Variants in CDH23 observed in about 807,000 individuals in gnomAD.
CDH23 encodes the protein cadherin-23.
A neutral mutation model predicts 317.1 loss-of-function variants in CDH23; 189 were observed. The ratio of observed to expected loss-of-function variants is 0.60; its 90% CI spans 0.53 to 0.67. The LOEUF is 0.67. Ranked by LOEUF, CDH23 falls within the 30% of genes least tolerant of loss-of-function variation. The pLI, the probability that CDH23 is intolerant of heterozygous loss-of-function variation, is 0.00. For synonymous variants in CDH23, 1,839 were observed against 1,876.8 expected (o/e 0.98, Z 0.52); for missense variants, 4,401 against 4,592.4 (o/e 0.96, Z 1.20).
intron 62 of CDH23, 35 bp downstream of exon 62, chr10:71,810,604 T>G (rs1300234236): frequency 1.3e-6 from 2 of 1,594,352 alleles, no homozygotes; most frequent in African/African-American, 2.7e-5. Context: ...TGTCAGCCTG[T>G]CTGTCTGCCT....
chr10:71,712,255 A>T (rs1866000057), intron 27 of CDH23: 2 of 171,896 alleles, frequency 1.2e-5, no homozygotes, highest in African/African-American at 2.4e-5. Flanking sequence ...ACTTCTCAAG[A>T]TCCTTAACGT....
Position 71,732,190 on chromosome 10 carries a change from C to A in CDH23, c.3919C>A (p.Leu1307Met). 9 of 1,613,926 alleles carry A rather than the reference C, an allele frequency of 5.6e-6. No individual in the cohort carries two copies. Among genetic ancestry groups the A allele is most frequent in the Non-Finnish European group, 7.6e-6 (9 of 1,179,826 alleles). ...CGTCTACATCACTCTGCTCAACGAG[C>A]TGGACGAGGCCGTGCAGTTCTCCAA... ...CSVYITLLNE[L>M]DEAVQFSNAS... is the part of the protein sequence containing the mutation. The change falls in exon 32 of 70, where the codon CTG becomes ATG. Residue 1307 changes from leucine to methionine, a missense_variant. By Grantham distance (15) the Leu-to-Met change is conservative. Around this residue, in one of 3 missense-constraint regions of CDH23, gnomAD observed 3,068 missense variants for 3,203.3 expected, o/e 0.96. Coordinates refer to ENST00000224721, the MANE Select transcript of CDH23 (RefSeq NM_022124.6).
chr10:71,645,767 A>G, intron 12 of CDH23, 64 bp from the exon 13 acceptor site: 4 of 1,581,248 alleles, frequency 2.5e-6, no homozygotes, highest in Non-Finnish European at 3.5e-6. Context: ...CTGCTCCTCC[A>G]TTTGGGTCTA....
chr10:71,684,014 G>A (rs917085103), intron 18 of CDH23, among the ~76,000 whole-genome samples: 3 of 151,990 alleles, frequency 2.0e-5, no homozygotes, highest in Admixed American at 6.6e-5. Flanking sequence ...TCAGGAGGTG[G>A]AGGTTGCAGT....
At chr10:71,605,389 T>A (rs1443623655) in intron 9 of CDH23, among the ~76,000 whole-genome samples, 1 of 152,182 alleles carries the variant, frequency 6.6e-6, no homozygotes, top group Admixed American at 6.5e-5. Flanking sequence ...TTATTTTGAT[T>A]GTCATATCTG....
intron 14 of CDH23, among the ~76,000 whole-genome samples, chr10:71,662,568 G>A (rs1193874251): frequency 1.3e-5 from 2 of 152,162 alleles, no homozygotes; most frequent in Non-Finnish European, 2.9e-5. Context: ...GGGGTTGACT[G>A]GACTGTCTTT....
At chr10:71,773,520 T>A (rs1256722262) in intron 38 of CDH23, 5 of 1,388,920 alleles carry the variant, frequency 3.6e-6, no homozygotes, top group Non-Finnish European at 5.0e-6. Context: ...CTCCCGCGAC[T>A]GAGTGCGAGC....
intron 3 of CDH23, among the ~76,000 whole-genome samples, chr10:71,496,635 G>A (rs1852988178): frequency 6.6e-6 from 1 of 152,260 alleles, no homozygotes. Flanking sequence ...ACAAGTGTGG[G>A]AACTGCTGAC....
intron 1 of CDH23, among the ~76,000 whole-genome samples, chr10:71,398,418 G>A (rs1310223966): frequency 2.0e-5 from 3 of 146,678 alleles, no homozygotes; most frequent in African/African-American, 5.0e-5. Flanking sequence ...ATAAGCTAGA[G>A]AGACACAGGA....
chr10:71,409,574 T>C (rs1328815925), intron 1 of CDH23, among the ~76,000 whole-genome samples: 3 of 151,706 alleles, frequency 2.0e-5, no homozygotes, highest in Admixed American at 6.6e-5. Context: ...ATGGATGAAA[T>C]GATTTGGGAG....
At position 71,679,479 on chromosome 10, in the gene CDH23, C is replaced by T. The variant is rs756643525; in HGVS notation, c.1845C>T (p.Tyr615=). ...AFGSYFDISL[Y]EGYGVISVSR... is the part of the protein sequence containing the mutation. Reference sequence around the variant, plus strand: ...GCAGCTACTTCGACATCAGCCTGTACGAGGGCTATGGAGGTAGGTGTGGGG... The same window carrying T: ...GCAGCTACTTCGACATCAGCCTGTATGAGGGCTATGGAGGTAGGTGTGGGG... The change falls in exon 17 of 70, where the codon TAC becomes TAT. Residue 615 remains tyrosine (Y), a synonymous_variant. Coordinates refer to ENST00000224721, the MANE Select transcript of CDH23 (RefSeq NM_022124.6). The T allele has an allele frequency of 1.7e-5, 28 of 1,609,372 alleles. No homozygotes were observed. The highest frequency in any genetic ancestry group is 8.9e-5 in the East Asian group (4 of 44,802).
intron 44 of CDH23, among the ~76,000 whole-genome samples, chr10:71,786,488 CTTT>C (rs71018221): frequency 5.7e-5 from 6 of 105,374 alleles, no homozygotes; most frequent in African/African-American, 2.4e-4. Flanking sequence ...GCTTCCTACT[CTTT>C]TTTTTTTTTT....
chr10:71,474,060 T>C (rs1589115876), intron 3 of CDH23, among the ~76,000 whole-genome samples: 2 of 152,166 alleles, frequency 1.3e-5, no homozygotes, highest in East Asian at 3.9e-4. Flanking sequence ...ATGGCACTGC[T>C]CTCATGCCAG....
chr10:71,724,619 G>A (rs988872170), intron 29 of CDH23, among the ~76,000 whole-genome samples: 7 of 152,150 alleles, frequency 4.6e-5, no homozygotes, highest in African/African-American at 1.2e-4. Context: ...TTTGATTGCC[G>A]TGTTCCTGAA....
chr10:71,402,738 T>C (rs1414068883), intron 1 of CDH23, among the ~76,000 whole-genome samples: 1 of 119,770 alleles, frequency 8.3e-6, no homozygotes, highest in East Asian at 2.5e-4. Flanking sequence ...TGTGTGTGTG[T>C]GTGTGTGCAC....
Position 71,793,612 on chromosome 10 carries a change from G to A in CDH23, c.6684G>A (p.Glu2228=), listed in dbSNP as rs892260214. Residue 2228 remains glutamate (E), a synonymous_variant, in exon 48 of 70, where the codon GAG becomes GAA. Transcript: ENST00000224721. ...DDTDRLVPNQ[E]DAFAVNINTG... is the part of the protein sequence containing the mutation. ...CTGATCGCCTGGTGCCCAACCAGGA[G>A]GACGCCTTTGCTGTGAATATCAACA... The A allele has an allele frequency of 3.1e-6, 5 of 1,600,974 alleles. No homozygotes were observed. The African/African-American group carries it at 5.4e-5, about 17-fold the overall frequency.
At chr10:71,565,584 C>T (rs543600648) in intron 6 of CDH23, among the ~76,000 whole-genome samples, 152 of 152,262 alleles carry the variant, frequency 1.0e-3, no homozygotes, top group African/African-American at 3.6e-3. Context: ...CTGTTAATAT[C>T]AGTGCTTCTT....
rs1196867929 is a variant in CDH23, at chr10:71,798,511, G to C, written c.6987G>C (p.Gly2329=). The C allele has an allele frequency of 2.5e-6, 4 of 1,613,834 alleles. No individual in the cohort carries two copies. The African/African-American group carries it at 4.0e-5, about 16-fold the overall frequency. The stretch of plus-strand genomic sequence containing the variant: ...TGGACCCTGACAAGGGCCTTAATGG[G>C]CTGGTCACCTACACCCTGCTGGACC... ...AAVDPDKGLN[G]LVTYTLLDLV... Residue 2329 remains glycine, a synonymous_variant, in exon 50 of 70, where the codon GGG becomes GGC. Transcript: ENST00000224721.
intron 3 of CDH23, among the ~76,000 whole-genome samples, chr10:71,455,917 A>G (rs1027920819): frequency 9.2e-5 from 14 of 152,172 alleles, no homozygotes; most frequent in African/African-American, 3.4e-4. Flanking sequence ...CTAGTGAGTT[A>G]CTGCTGGGGT....
Sources: allele counts gnomAD v4.1 joint callset (sites outside exome capture counted in the v4.1 genomes callset), GRCh38; gene constraint gnomAD v4.1.1; regional missense constraint gnomAD v4.1.1; transcripts MANE v1.5; gene names NCBI Gene and HGNC (gene_info 2026-07-23, HGNC 2026-07-21).